The following GON4L variants were observed in gnomAD, a reference collection of about 807,000 sequenced individuals.
GON4L encodes the protein GON-4-like protein.
Under a neutral mutation model 211.8 loss-of-function variants are expected in GON4L, and 87 were observed. The observed-to-expected ratio is 0.41, with a 90% CI of 0.35 to 0.49. The LOEUF (loss-of-function observed/expected upper bound fraction) is 0.49. GON4L is among the 20% of genes least tolerant of loss of function. GON4L has a pLI of 0.15. For synonymous variants in GON4L, 875 were observed against 962.6 expected, an observed-to-expected ratio of 0.91 and a Z score of 1.68; for missense variants, 2,155 against 2,659.5, an observed-to-expected ratio of 0.81 and a Z score of 4.17.
At chr1:155,778,819 C>T (rs533795061) in intron 14 of GON4L, among the ~76,000 whole-genome samples, 1 of 151,878 alleles carries the variant, frequency 6.6e-6, no homozygotes, top group Non-Finnish European at 1.5e-5. Flanking sequence ...TTTTTCTGTT[C>T]TTACGTTAGC....
chr1:155,758,006 C>T lies in GON4L; in HGVS notation c.5138G>A (p.Ser1713Asn). 2.2e-6 allele frequency: 1 copy of T among 451,650 alleles called. No individual in the cohort carries two copies. Among genetic ancestry groups the T allele is most frequent in the Non-Finnish European group, 3.8e-6 (1 of 262,860 alleles). 28.0% of individuals were successfully genotyped at this position (451,650 alleles called of 1,614,324 possible). A position where few individuals can be genotyped will look rare whatever the true frequency, so the allele number is the denominator to read the frequency against. Residue 1713 changes from serine (S) to asparagine (N), a missense_variant, in exon 25 of 32, where the codon AGC becomes AAC. Ser to Asn is a conservative substitution (Grantham distance 46). This residue lies in a region of GON4L where 455 missense variants were observed against 504.6 expected (regional missense o/e 0.90). Coordinates refer to ENST00000368331, the MANE Select transcript of GON4L (RefSeq NM_001282860.2). ...LFEEQQAFEK[S>N]RKFLRQLEIC... ...CTCCAGCTGCCGAAGGAACTTGCGG[C>T]TCTTCTCAAAAGCCTGCTGCTCCTC...
At chr1:155,820,739 T>A in intron 5 of GON4L, 83 bp from the exon 6 acceptor site, 1 of 1,020,818 alleles carries the variant, frequency 9.8e-7, no homozygotes, top group Non-Finnish European at 1.5e-6. Context: ...CCTAGCACTT[T>A]AGGGGCCAAG....
At chr1:155,801,243 A>C (rs1301783477) in intron 11 of GON4L, among the ~76,000 whole-genome samples, 1 of 152,122 alleles carries the variant, frequency 6.6e-6, no homozygotes, top group African/African-American at 2.4e-5. Flanking sequence ...ATCATATAAA[A>C]ATTTCATGTA....
intron 1 of GON4L, among the ~76,000 whole-genome samples, chr1:155,855,024 G>A (rs1165867227): frequency 7.1e-6 from 1 of 141,058 alleles, no homozygotes; most frequent in South Asian, 2.2e-4. Context: ...CAACAAGAGC[G>A]AAACTCCATC....
At chr1:155,753,055 A>C in intron 29 of GON4L, 149 bp downstream of exon 29, 1 of 643,958 alleles carries the variant, frequency 1.6e-6, no homozygotes, top group East Asian at 2.7e-5. Context: ...AAGCCTGAAC[A>C]GCAGAAGGGC....
chr1:155,846,686 G>C (rs1463214544), intron 2 of GON4L: 3 of 151,820 alleles, frequency 2.0e-5, no homozygotes, highest in Admixed American at 6.6e-5. Flanking sequence ...CGTGCTACTG[G>C]GGGGTTCTTT....
At position 155,759,894 on chromosome 1, in the gene GON4L, G is replaced by A. The variant is rs1398626233; in HGVS notation, c.5109+550C>T. Among the ~76,000 whole-genome samples, 3 of 149,122 alleles carry A rather than the reference G, an allele frequency of 2.0e-5. No homozygotes were observed. The South Asian group carries it at 6.3e-4, about 31-fold the overall frequency. On this transcript the variant is annotated intron_variant, in intron 24 of 31. Coordinates refer to ENST00000368331, the MANE Select transcript of GON4L (RefSeq NM_001282860.2). The stretch of plus-strand genomic sequence containing the variant: ...CCTGCTTTATTTTTCTGTAAAACAT[G>A]ATCACTATAAAACATTGTATACTAT...
intron 20 of GON4L, 191 bp downstream of exon 20, chr1:155,767,234 T>C (rs528590419): frequency 8.4e-6 from 11 of 1,302,716 alleles, no homozygotes; most frequent in East Asian, 5.0e-5. Flanking sequence ...TTATTTTACC[T>C]ATTATTTTGA....
At chr1:155,761,138 T>C (rs1661746601) in intron 23 of GON4L, among the ~76,000 whole-genome samples, 1 of 151,108 alleles carries the variant, frequency 6.6e-6, no homozygotes, top group Non-Finnish European at 1.5e-5. Flanking sequence ...GACACAGTTC[T>C]CCAGGACACT....
chr1:155,794,983 T>A, intron 12 of GON4L, 67 bp downstream of exon 12: 1 of 922,132 alleles, frequency 1.1e-6, no homozygotes, highest in Non-Finnish European at 1.8e-6. Flanking sequence ...CCCCTAAAAA[T>A]CTACAAAGTA....
At chr1:155,748,216 C>G (rs1419427933), downstream of GON4L, 8 of 1,402,144 alleles carry the variant, frequency 5.7e-6, no homozygotes, top group Non-Finnish European at 7.7e-6. Context: ...GGCTCTGTTC[C>G]TGAGGCCCGA....
rs555368046 is a variant in GON4L at position 155,769,302 on chromosome 1, TTAAAA to T, written c.2646+1760_2647-1762del. Among the ~76,000 whole-genome samples, 901 of 151,510 alleles carry T rather than the reference TTAAAA, an allele frequency of 5.9e-3. 8 individuals are homozygous for T. The highest frequency in any genetic ancestry group is 0.01 in the Non-Finnish European group (695 of 67,878). On this transcript the variant is annotated intron_variant, in intron 19 of 31. Coordinates refer to ENST00000368331, the MANE Select transcript of GON4L (RefSeq NM_001282860.2). ...CAATTTTTAAAAATTTAGAAAAAAA[TTAAAA>T]TAAAAAATGCTACTAGAATGTGTTT...
rs754255886 is a variant in GON4L, at chr1:155,765,807, T to A, written c.3666A>T (p.Glu1222Asp). ...SVNLPIPSTPEDKAHVNVDIA... is the reference protein window; with the variant it reads ...SVNLPIPSTPDDKAHVNVDIA... ...TGTCCACATTCACGTGGGCCTTATC[T>A]TCAGGGGTGGATGGTATAGGAAGAT... Residue 1222 changes from glutamate (E) to aspartate (D), a missense_variant, in exon 21 of 32, where the codon GAA (glutamate) becomes GAT (aspartate). Around this residue, in one of 6 missense-constraint regions of GON4L, gnomAD observed 615 missense variants for 625.7 expected, o/e 0.98. Coordinates refer to ENST00000368331, the MANE Select transcript of GON4L (RefSeq NM_001282860.2). The A allele has an allele frequency of 1.2e-5, 20 of 1,614,054 alleles. No homozygotes were observed. The highest frequency in any genetic ancestry group is 3.3e-4 in the Middle Eastern group (2 of 6,084).
intron 23 of GON4L, among the ~76,000 whole-genome samples, chr1:155,761,351 A>T (rs1263156672): frequency 6.8e-6 from 1 of 146,938 alleles, no homozygotes; most frequent in Non-Finnish European, 1.5e-5. Flanking sequence ...TTAGCTCACT[A>T]TTTTTTTTTT....
At position 155,750,722 on chromosome 1, in the gene GON4L, A is replaced by G; in HGVS notation, c.6588T>C (p.Arg2196=). ...GNKTPAEVSH[R]FRELMQLFHT... is the part of the protein sequence containing the mutation. Reference sequence around the variant, plus strand: ...GGAAGAGCTGCATGAGTTCTCGAAAACGGTGGGAAACCTAAGAAAGGAGGA... The same window carrying G: ...GGAAGAGCTGCATGAGTTCTCGAAAGCGGTGGGAAACCTAAGAAAGGAGGA... The change falls in exon 32 of 32, where the codon CGT becomes CGC. Residue 2196 remains arginine (R), a synonymous_variant. Coordinates refer to ENST00000368331, the MANE Select transcript of GON4L (RefSeq NM_001282860.2). 6.3e-7 allele frequency: 1 copy of G among 1,584,662 alleles called. No individual in the cohort carries two copies. The highest frequency in any genetic ancestry group is 8.6e-7 in the Non-Finnish European group (1 of 1,165,850).
At chr1:155,816,975 A>G (rs1406998956) in intron 6 of GON4L, among the ~76,000 whole-genome samples, 1 of 151,980 alleles carries the variant, frequency 6.6e-6, no homozygotes, top group African/African-American at 2.4e-5. Flanking sequence ...TATAAGAGCT[A>G]GGGGGAAAGT....
At chr1:155,783,791 T>C (rs688626) in intron 14 of GON4L, among the ~76,000 whole-genome samples, 195 bp downstream of exon 14, 4 of 152,200 alleles carry the variant, frequency 2.6e-5, no homozygotes, top group Non-Finnish European at 4.4e-5. Context: ...CAAACGGATA[T>C]AGCTTGGCCT....
At chr1:155,809,567 A>C (rs988088206) in intron 10 of GON4L, among the ~76,000 whole-genome samples, 1 of 135,208 alleles carries the variant, frequency 7.4e-6, no homozygotes, top group Admixed American at 7.7e-5. Flanking sequence ...TTATATACTT[A>C]TATATACTTA....
chr1:155,752,844 G>A (rs559339609), intron 29 of GON4L, among the ~76,000 whole-genome samples: 32 of 152,224 alleles, frequency 2.1e-4, no homozygotes, highest in South Asian at 1.0e-3. Flanking sequence ...TTGGGTGGAG[G>A]TGGGGGGCAT....
Sources: allele counts gnomAD v4.1 joint callset (sites outside exome capture counted in the v4.1 genomes callset), GRCh38; gene constraint gnomAD v4.1.1; regional missense constraint gnomAD v4.1.1; transcripts MANE v1.5; gene names NCBI Gene and HGNC (gene_info 2026-07-23, HGNC 2026-07-21).